The following CFAP20DC variants were observed in gnomAD, a reference collection of about 807,000 sequenced individuals.
The protein encoded by CFAP20DC is CFAP20 domain containing, also known as protein CFAP20DC.
Under a neutral mutation model 101.7 loss-of-function variants are expected in CFAP20DC, and 84 were observed. The observed-to-expected ratio is 0.83, with a 90% CI of 0.69 to 0.99. The LOEUF (loss-of-function observed/expected upper bound fraction) is 0.99, where lower values mean the gene tolerates loss of function less well. Among genes scored for constraint, CFAP20DC ranks in the 50% least tolerant of loss-of-function variants. The probability of loss-of-function intolerance (pLI) is 0.00; values close to 1 mark genes in which losing one functional copy is unlikely to be tolerated. For missense variants in CFAP20DC, 1,007 were observed against 970.3 expected (o/e 1.04, Z -0.50); for synonymous variants, 359 against 351.2 (o/e 1.02, Z -0.25).
At chr3:58,984,757 A>G (rs1282838796) in intron 4 of CFAP20DC, among the ~76,000 whole-genome samples, 1 of 152,194 alleles carries the variant, frequency 6.6e-6, no homozygotes, top group Non-Finnish European at 1.5e-5. Flanking sequence ...ATTTGGATAT[A>G]GCACCACAGG....
At chr3:59,008,354 CA>C (rs539155090) in intron 4 of CFAP20DC, among the ~76,000 whole-genome samples, 163 of 152,256 alleles carry the variant, frequency 1.1e-3, no homozygotes, top group African/African-American at 3.7e-3. Context: ...AGAGCTTCCC[CA>C]GCCACACTCA....
intron 15 of CFAP20DC, among the ~76,000 whole-genome samples, chr3:58,763,337 T>G (rs1272310852): frequency 6.6e-6 from 1 of 152,254 alleles, no homozygotes; most frequent in East Asian, 1.9e-4. Flanking sequence ...AATCGGCTAC[T>G]GAGGCTTGTG....
At chr3:58,766,111 G>A (rs1429599675) in intron 15 of CFAP20DC, among the ~76,000 whole-genome samples, 2 of 152,128 alleles carry the variant, frequency 1.3e-5, no homozygotes, top group East Asian at 1.9e-4. Context: ...AAGTTTTTCT[G>A]TAAAGGGCCA....
chr3:58,716,495 GA>G (rs567111603), downstream of CFAP20DC, among the ~76,000 whole-genome samples: 146 of 152,234 alleles, frequency 9.6e-4, 1 homozygote, highest in Admixed American at 9.0e-3. Context: ...CCCAGGTCAT[GA>G]CAGGCAGCTC....
Position 58,753,819 on chromosome 3 carries a change from T to G in CFAP20DC, c.2282A>C (p.Gln761Pro). The G allele has an allele frequency of 6.2e-7, 1 of 1,612,984 alleles. No individual in the cohort carries two copies. Among genetic ancestry groups the G allele is most frequent in the Non-Finnish European group, 8.5e-7 (1 of 1,179,444 alleles). ...MLSPPIVPPS[Q>P]QPAEQRPDSC... ...ATCTGGACGCTGCTCAGCCGGCTGT[T>G]GACTGGGAGGAACGATTGGTGGGCT... The change falls in exon 16 of 17, where the codon CAA (glutamine) becomes CCA (proline). Residue 761 changes from glutamine (Q) to proline (P), a missense_variant. Physicochemically the swap from Gln to Pro is moderately conservative, Grantham distance 76. Coordinates refer to ENST00000482387, the MANE Select transcript of CFAP20DC (RefSeq NM_001394063.1).
intron 7 of CFAP20DC, among the ~76,000 whole-genome samples, chr3:58,880,111 A>G (rs2081114389): frequency 6.6e-6 from 1 of 152,028 alleles, no homozygotes; most frequent in Non-Finnish European, 1.5e-5. Flanking sequence ...CATTGACATC[A>G]ATCATGAATA....
intron 15 of CFAP20DC, 26 bp downstream of exon 15, chr3:58,806,369 A>G: frequency 6.9e-7 from 1 of 1,454,074 alleles, no homozygotes; most frequent in Non-Finnish European, 9.6e-7. Flanking sequence ...TTTTTTTCTT[A>G]AATGTAGATT....
At chr3:58,717,200 T>C (rs917025338), downstream of CFAP20DC, among the ~76,000 whole-genome samples, 3 of 151,948 alleles carry the variant, frequency 2.0e-5, no homozygotes, top group Non-Finnish European at 4.4e-5. This position sits in a 1 kb window ranked among gnomAD's most constrained non-coding sequence, Gnocchi z 4.1. Flanking sequence ...GCAAACTAAA[T>C]TATAACAGGG....
intron 12 of CFAP20DC, chr3:58,862,764 C>G: frequency 1.0e-6 from 1 of 976,938 alleles, no homozygotes; most frequent in Non-Finnish European, 1.2e-6. Flanking sequence ...TTTTCACTAA[C>G]CCTAAAGTTG....
intron 4 of CFAP20DC, chr3:59,017,510 T>C (rs1468540107): frequency 6.6e-6 from 1 of 152,184 alleles, no homozygotes; most frequent in Non-Finnish European, 1.5e-5. Context: ...TATACACTGC[T>C]GATTCTGATA....
At chr3:58,751,525 T>C (rs1037778862) in intron 16 of CFAP20DC, among the ~76,000 whole-genome samples, 2 of 152,168 alleles carry the variant, frequency 1.3e-5, no homozygotes, top group African/African-American at 4.8e-5. Context: ...GGCTGAGGGC[T>C]GACAGGTGAC....
chr3:58,718,436 C>T (rs1575510127), intron 3 of CFAP20DC, among the ~76,000 whole-genome samples: 2 of 152,318 alleles, frequency 1.3e-5, no homozygotes, highest in South Asian at 2.1e-4. Context: ...AAAGCTAAGA[C>T]TCCAGGCCTC....
chr3:58,832,055 T>C (rs1029456812), intron 13 of CFAP20DC, among the ~76,000 whole-genome samples, 166 bp from the exon 14 acceptor site: 2 of 152,120 alleles, frequency 1.3e-5, no homozygotes, highest in Admixed American at 1.3e-4. Flanking sequence ...CCACCTCCTG[T>C]CCATTTGCTC....
intron 15 of CFAP20DC, among the ~76,000 whole-genome samples, chr3:58,764,131 G>C (rs952891015): frequency 6.6e-6 from 1 of 152,176 alleles, no homozygotes; most frequent in Non-Finnish European, 1.5e-5. Context: ...CTGCCCCCCA[G>C]AGGTGGAGTC....
intron 15 of CFAP20DC, among the ~76,000 whole-genome samples, chr3:58,776,284 T>C (rs1217964584): frequency 1.3e-5 from 2 of 152,138 alleles, no homozygotes; most frequent in African/African-American, 2.4e-5. Flanking sequence ...CTAAAGACAG[T>C]TATGAAGACA....
intron 14 of CFAP20DC, among the ~76,000 whole-genome samples, chr3:58,822,312 A>AAAAAC (rs1553682504): frequency 7.2e-6 from 1 of 138,392 alleles, no homozygotes; most frequent in Non-Finnish European, 1.5e-5. Context: ...AAATCATGAA[A>AAAAAC]AAACAAACAA....
intron 15 of CFAP20DC, among the ~76,000 whole-genome samples, chr3:58,798,402 C>T (rs1285682844): frequency 1.3e-5 from 2 of 152,140 alleles, no homozygotes; most frequent in African/African-American, 4.8e-5. Flanking sequence ...AGAAATAAAG[C>T]TCGAAGATGT....
chr3:58,741,199 A>T (rs1195020144), downstream of CFAP20DC, among the ~76,000 whole-genome samples: 1 of 152,210 alleles, frequency 6.6e-6, no homozygotes, highest in African/African-American at 2.4e-5. Context: ...TAAATAACAA[A>T]ATATGCCAGC....
intron 5 of CFAP20DC, among the ~76,000 whole-genome samples, chr3:58,924,705 C>T (rs2085755292): frequency 6.6e-6 from 1 of 152,050 alleles, no homozygotes; most frequent in South Asian, 2.1e-4. Context: ...AGTGTATAAC[C>T]ATTCTCATTT....
Sources: allele counts gnomAD v4.1 joint callset (sites outside exome capture counted in the v4.1 genomes callset), GRCh38; gene constraint gnomAD v4.1.1; non-coding constraint Gnocchi (gnomAD v3.1); transcripts MANE v1.5; gene names NCBI Gene and HGNC (gene_info 2026-07-23, HGNC 2026-07-21).